The following ATP13A3 variants were observed in gnomAD, a reference collection of about 807,000 sequenced individuals.
ATP13A3 encodes ATPase 13A3.
In ATP13A3, 59 loss-of-function variants were observed where a neutral mutation model predicts 158.1. The ratio of observed to expected loss-of-function variants is 0.37; its 90% CI spans 0.30 to 0.46. The LOEUF (loss-of-function observed/expected upper bound fraction) is 0.46, where lower values mean the gene tolerates loss of function less well. Among genes scored for constraint, ATP13A3 ranks in the 20% least tolerant of loss-of-function variants. The probability of loss-of-function intolerance (pLI) is 1.00; values close to 1 mark genes in which losing one functional copy is unlikely to be tolerated. For missense variants in ATP13A3, 1,166 were observed against 1,525.2 expected, an observed-to-expected ratio of 0.76 and a Z score of 3.92; for synonymous variants, 491 against 504.3, an observed-to-expected ratio of 0.97 and a Z score of 0.35.
chr3:194,454,693 G>C (rs528063678), intron 8 of ATP13A3, among the ~76,000 whole-genome samples: 1 of 152,108 alleles, frequency 6.6e-6, no homozygotes, highest in Admixed American at 6.5e-5. Flanking sequence ...GCTGGGCATG[G>C]TGGCAGGCGC....
At chr3:194,413,878 T>G (rs368924620) in intron 31 of ATP13A3, 39 bp from the exon 32 acceptor site, 1 of 1,529,986 alleles carries the variant, frequency 6.5e-7, no homozygotes, top group African/African-American at 1.4e-5. Flanking sequence ...AATTGTTGTA[T>G]GTAGTCAATA....
intron 31 of ATP13A3, among the ~76,000 whole-genome samples, chr3:194,416,959 C>T (rs1715897710): frequency 6.6e-6 from 1 of 152,006 alleles, no homozygotes; most frequent in Admixed American, 6.5e-5. Context: ...AAAAAATGTA[C>T]AAAAACCATT....
upstream of ATP13A3, among the ~76,000 whole-genome samples, chr3:194,491,199 C>G (rs576443003): frequency 1.1e-4 from 16 of 152,234 alleles, no homozygotes; most frequent in African/African-American, 3.9e-4. Context: ...AGTCCCTTGG[C>G]CATTCCTCCC....
intron 16 of ATP13A3, among the ~76,000 whole-genome samples, chr3:194,441,104 T>C (rs1488778705): frequency 6.6e-6 from 1 of 152,208 alleles, no homozygotes; most frequent in Non-Finnish European, 1.5e-5. Flanking sequence ...ATTAAAGGTG[T>C]ACTAAATGGG....
At chr3:194,450,867 T>C (rs1718755236) in intron 10 of ATP13A3, 1 of 152,226 alleles carries the variant, frequency 6.6e-6, no homozygotes, top group Non-Finnish European at 1.5e-5. Context: ...ATTATTTCCT[T>C]ACAAATTTTA....
chr3:194,412,179 AG>A lies in ATP13A3; in HGVS notation c.3573+19del, dbSNP rs896305334. The stretch of plus-strand genomic sequence containing the variant: ...GCCTAGAGAGGCAGCAAGAATTGAC[AG>A]GAAGTGCTGAGTTCCAACCTGCGGT... On this transcript the variant is annotated intron_variant, in intron 33 of 33. Coordinates refer to ENST00000645319, the MANE Select transcript of ATP13A3 (RefSeq NM_001367549.1). 7 of 1,528,622 alleles carry A rather than the reference AG, an allele frequency of 4.6e-6. No individual in the cohort carries two copies. Among genetic ancestry groups the A allele is most frequent in the Admixed American group, 3.9e-5 (2 of 50,966 alleles). 94.7% of individuals were successfully genotyped at this position (1,528,622 alleles called of 1,614,324 possible).
chr3:194,457,255 A>G, intron 6 of ATP13A3, 81 bp from the exon 7 acceptor site: 1 of 1,041,818 alleles, frequency 9.6e-7, no homozygotes, highest in Non-Finnish European at 1.5e-6. Context: ...TATATGCCTG[A>G]TTTTATAAAG....
chr3:194,408,775 T>C (rs1715137549), intron 33 of ATP13A3, among the ~76,000 whole-genome samples: 1 of 151,298 alleles, frequency 6.6e-6, no homozygotes, highest in Non-Finnish European at 1.5e-5. Flanking sequence ...CATGCAAGCA[T>C]AGGTTTGTTA....
chr3:194,459,779 A>G lies in ATP13A3; in HGVS notation c.408+10T>C. ...TTTTTAAAGAAACTTTGACATTAAG[A>G]TCACAATACCTGTTGTGATTCAGTC... On this transcript the variant is annotated intron_variant, in intron 5 of 33. Coordinates refer to ENST00000645319, the MANE Select transcript of ATP13A3 (RefSeq NM_001367549.1). 6.3e-7 allele frequency: 1 copy of G among 1,591,120 alleles called. No homozygotes were observed. Among genetic ancestry groups the G allele is most frequent in the South Asian group, 1.2e-5 (1 of 86,010 alleles).
At chr3:194,476,403 CTCTT>C (rs1720524347) in intron 2 of ATP13A3, among the ~76,000 whole-genome samples, 1 of 152,198 alleles carries the variant, frequency 6.6e-6, no homozygotes, top group African/African-American at 2.4e-5. Context: ...GGTTCATTTT[CTCTT>C]TCTTCCAAAA....
chr3:194,484,960 G>A lies in ATP13A3; in HGVS notation c.-47+834C>T, dbSNP rs186989509. Among the ~76,000 whole-genome samples the A allele has an allele frequency of 1.6e-3, 242 of 151,302 alleles. 1 individual carries two copies. Among genetic ancestry groups the A allele is most frequent in the African/African-American group, 5.6e-3 (230 of 41,196 alleles). On this transcript the variant is annotated intron_variant, in intron 2 of 33. Coordinates refer to ENST00000645319, the MANE Select transcript of ATP13A3 (RefSeq NM_001367549.1). ...AAATCCCAGCTACTTAGGAGGCTGC[G>A]ACAGGAGAATCGCTGAAACCCAGGA...
At position 194,460,785 on chromosome 3, in the gene ATP13A3, G is replaced by A; in HGVS notation, c.98C>T (p.Ser33Phe). The A allele has an allele frequency of 6.2e-7, 1 of 1,614,070 alleles. No homozygotes were observed. Among genetic ancestry groups the A allele is most frequent in the Non-Finnish European group, 8.5e-7 (1 of 1,179,982 alleles). Residue 33 changes from serine to phenylalanine, a missense_variant, in exon 4 of 34, where the codon TCT (serine) becomes TTT (phenylalanine). This residue lies in a region of ATP13A3 where 65 missense variants were observed against 92.4 expected (regional missense o/e 0.70). Transcript: ENST00000645319. ...NLSRWKLAIV[S>F]LGVICSGGFL... ...CCCACCAGAGCAAATCACTCCTAAA[G>A]AAACTATGGCAAGCTTCCAGCGACT...
intron 28 of ATP13A3, among the ~76,000 whole-genome samples, chr3:194,427,635 C>CAATAAATAAATA (rs72338242): frequency 4.4e-5 from 6 of 137,216 alleles, no homozygotes; most frequent in East Asian, 2.1e-4. Context: ...CCCATCTCTA[C>CAATAAATAAATA]AATAAATAAA....
chr3:194,426,835 T>C (rs1716813112), intron 29 of ATP13A3, among the ~76,000 whole-genome samples: 1 of 152,100 alleles, frequency 6.6e-6, no homozygotes, highest in African/African-American at 2.4e-5. Flanking sequence ...CTAATTTTTG[T>C]ATTTTTAGTA....
At chr3:194,463,119 G>A (rs1719771464) in intron 2 of ATP13A3, among the ~76,000 whole-genome samples, 1 of 152,054 alleles carries the variant, frequency 6.6e-6, no homozygotes, top group South Asian at 2.1e-4. Context: ...TACATAAATG[G>A]CAATCCCTGG....
At chr3:194,485,111 T>C (rs1374848252) in intron 2 of ATP13A3, among the ~76,000 whole-genome samples, 2 of 151,412 alleles carry the variant, frequency 1.3e-5, no homozygotes, top group Non-Finnish European at 2.9e-5. Flanking sequence ...TCCTACCCAA[T>C]CCCCTGACCA....
At chr3:194,477,262 G>C (rs754231037) in intron 2 of ATP13A3, among the ~76,000 whole-genome samples, 1 of 152,108 alleles carries the variant, frequency 6.6e-6, no homozygotes, top group Admixed American at 6.5e-5. Context: ...ACCTCTGCAG[G>C]TATCAGAGCA....
chr3:194,414,219 T>C (rs1293795525), intron 31 of ATP13A3, among the ~76,000 whole-genome samples: 2 of 151,972 alleles, frequency 1.3e-5, no homozygotes, highest in East Asian at 3.9e-4. Context: ...TCCCAACATC[T>C]TGGGAGGCAG....
At chr3:194,446,408 A>G (rs1264644767) in intron 14 of ATP13A3, among the ~76,000 whole-genome samples, 4 of 152,200 alleles carry the variant, frequency 2.6e-5, no homozygotes, top group African/African-American at 9.7e-5. Context: ...CGCGAGTGTG[A>G]GTACACCCTG....
Sources: allele counts gnomAD v4.1 joint callset (sites outside exome capture counted in the v4.1 genomes callset), GRCh38; gene constraint gnomAD v4.1.1; regional missense constraint gnomAD v4.1.1; transcripts MANE v1.5; gene names NCBI Gene and HGNC (gene_info 2026-07-23, HGNC 2026-07-21).